PLXNC1: variants seen among roughly 807,000 people sequenced by gnomAD.
PLXNC1 encodes plexin-C1.
In PLXNC1, 75 loss-of-function variants were observed where a neutral mutation model predicts 178.2. That is an observed-to-expected ratio of 0.42 (90% CI 0.35 to 0.51). The LOEUF is 0.51. PLXNC1 is among the 20% of genes least tolerant of loss of function. The pLI is 0.02. For synonymous variants in PLXNC1, 790 were observed against 779.9 expected (o/e 1.01, Z -0.22); for missense variants, 1,503 against 1,984.4 (o/e 0.76, Z 4.61).
chr12:94,198,683 A>T (rs998934712), intron 4 of PLXNC1, among the ~76,000 whole-genome samples: 1 of 152,126 alleles, frequency 6.6e-6, no homozygotes, highest in Non-Finnish European at 1.5e-5. Flanking sequence ...CTATAGGGGC[A>T]AATCCTTCCT....
At chr12:94,254,212 G>A (rs892185699) in intron 15 of PLXNC1, among the ~76,000 whole-genome samples, 2 of 152,216 alleles carry the variant, frequency 1.3e-5, no homozygotes, top group African/African-American at 4.8e-5. Context: ...ATGAACCCAA[G>A]CACCAAACTG....
intron 4 of PLXNC1, among the ~76,000 whole-genome samples, chr12:94,199,077 G>T (rs759849486): frequency 5.3e-5 from 8 of 152,216 alleles, no homozygotes; most frequent in Non-Finnish European, 1.0e-4. Context: ...GGGAGCGCTA[G>T]TTGGAGGCAG....
chr12:94,306,668 T>TA lies in PLXNC1; in HGVS notation c.*1384dup, dbSNP rs1235124899. 1 of 152,174 alleles carries TA rather than the reference T, an allele frequency of 6.6e-6. No homozygotes were observed. Among genetic ancestry groups the TA allele is most frequent in the Non-Finnish European group, 1.5e-5 (1 of 68,044 alleles). 9.4% of individuals were successfully genotyped at this position (152,174 alleles called of 1,614,324 possible). On this transcript the variant is annotated 3_prime_UTR_variant, in exon 31 of 31. Coordinates refer to ENST00000258526, the MANE Select transcript of PLXNC1 (RefSeq NM_005761.3). ...TTCAAGTCAAATAACATTGATCACA[T>TA]ATTCCTTGAAATCATTTACCAACAC... is the stretch of plus-strand genomic sequence containing the variant.
At chr12:94,266,213 T>C (rs532239299) in intron 21 of PLXNC1, among the ~76,000 whole-genome samples, 2 of 152,182 alleles carry the variant, frequency 1.3e-5, no homozygotes, top group Non-Finnish European at 2.9e-5. Context: ...TGGAGCGTGT[T>C]ATGGTTATGT....
chr12:94,161,822 G>A (rs1027037835), intron 1 of PLXNC1, among the ~76,000 whole-genome samples: 1 of 152,194 alleles, frequency 6.6e-6, no homozygotes, highest in Non-Finnish European at 1.5e-5. Flanking sequence ...CCAAGGCCCA[G>A]TATTTACAAG....
intron 29 of PLXNC1, 38 bp downstream of exon 29, chr12:94,303,934 A>G: frequency 6.2e-7 from 1 of 1,605,822 alleles, no homozygotes; most frequent in Non-Finnish European, 8.5e-7. Context: ...ATATTTGGTT[A>G]CTTTACGTCA....
intron 23 of PLXNC1, among the ~76,000 whole-genome samples, chr12:94,290,308 G>T (rs1294926210): frequency 6.6e-6 from 1 of 152,210 alleles, no homozygotes; most frequent in Non-Finnish European, 1.5e-5. Context: ...TATTGCTAAG[G>T]GGGTGCCTGC....
intron 11 of PLXNC1, among the ~76,000 whole-genome samples, chr12:94,241,052 T>C (rs1297041146): frequency 6.6e-6 from 1 of 152,186 alleles, no homozygotes; most frequent in South Asian, 2.1e-4. Context: ...GGGGGAAATA[T>C]TGGGAGCTAT....
Position 94,182,859 on chromosome 12 carries a change from GTATCTATC to G in PLXNC1, c.1338+1320_1338+1327del, listed in dbSNP as rs59933010. On this transcript the variant is annotated intron_variant, in intron 3 of 30. Transcript: ENST00000258526. Reference sequence around the variant, plus strand: ...TTAAATAACTTGTTCAAGAATATCTGTATCTATCTATCTATCTATCTATCTATCTATCT... The same window carrying G: ...TTAAATAACTTGTTCAAGAATATCTGTATCTATCTATCTATCTATCTATCT... 5.3e-3 allele frequency among the ~76,000 whole-genome samples: 764 copies of G among 144,034 alleles called. 4 individuals are homozygous for G. Among genetic ancestry groups the G allele is most frequent in the African/African-American group, 0.016 (612 of 37,602 alleles). The allele number at this position is 144,034 out of a possible 152,430, so 94.5% of individuals were successfully genotyped here.
intron 21 of PLXNC1, among the ~76,000 whole-genome samples, chr12:94,266,426 T>C (rs555146675): frequency 6.6e-5 from 10 of 152,314 alleles, no homozygotes; most frequent in South Asian, 2.1e-4. Context: ...GTGGGCTGCA[T>C]TGGTTCTCAA....
At chr12:94,226,527 C>T (rs1448662727) in intron 7 of PLXNC1, 78 bp from the exon 8 acceptor site, 2 of 920,056 alleles carry the variant, frequency 2.2e-6, no homozygotes, top group African/African-American at 1.7e-5. Context: ...TGCTTGCATG[C>T]CACATCACAG....
chr12:94,285,781 TCTGGGTGGC>T (rs1007337993), intron 23 of PLXNC1, among the ~76,000 whole-genome samples: 6 of 152,118 alleles, frequency 3.9e-5, no homozygotes, highest in African/African-American at 1.4e-4. Flanking sequence ...TCTCCCTGTG[TCTGGGTGGC>T]AGGCTTGTCT....
chr12:94,221,507 G>C (rs1963795767), intron 6 of PLXNC1, among the ~76,000 whole-genome samples: 1 of 152,330 alleles, frequency 6.6e-6, no homozygotes, highest in South Asian at 2.1e-4. Flanking sequence ...AAGACTAGAA[G>C]TAGAGTTGAG....
At position 94,161,019 on chromosome 12, in the gene PLXNC1, C is replaced by T. The variant is rs190008219; in HGVS notation, c.1063-8134C>T. Among the ~76,000 whole-genome samples, 276 of 152,274 alleles carry T rather than the reference C, an allele frequency of 1.8e-3. 1 individual carries two copies. The highest frequency in any genetic ancestry group is 6.1e-3 in the African/African-American group (254 of 41,558). ...GACAAAGTCACAGGTTCAGTAAATA[C>T]TGCTGTGGCCTGAATCCATGATTAA... On this transcript the variant is annotated intron_variant, in intron 1 of 30. Coordinates refer to ENST00000258526, the MANE Select transcript of PLXNC1 (RefSeq NM_005761.3).
rs779990678 is a variant in PLXNC1 at position 94,241,977 on chromosome 12, T to TAAAA, written c.2300+1322_2300+1325dup. On this transcript the variant is annotated intron_variant, in intron 11 of 30. Transcript: ENST00000258526. ...TAAACCTACAGACAAAAAGCTTTGT[T>TAAAA]AAAAAAAAAAAAGAAGAAGAAGAAG... 1.6e-4 allele frequency among the ~76,000 whole-genome samples: 22 copies of TAAAA among 141,862 alleles called. 1 individual carries two copies. The highest frequency in any genetic ancestry group is 4.9e-4 in the African/African-American group (19 of 38,808). The allele number at this position is 141,862 out of a possible 152,430, so 93.1% of individuals were successfully genotyped here. A position where few individuals can be genotyped will look rare whatever the true frequency, so the allele number is the denominator to read the frequency against.
At position 94,279,133 on chromosome 12, in the gene PLXNC1, A is replaced by AC. The variant is rs576518620; in HGVS notation, c.3598-336dup. Among the ~76,000 whole-genome samples, 38 of 152,208 alleles carry AC rather than the reference A, an allele frequency of 2.5e-4. No individual in the cohort carries two copies. The South Asian group carries it at 7.9e-3, about 32-fold the overall frequency. On this transcript the variant is annotated intron_variant, in intron 21 of 30. Transcript: ENST00000258526. ...ACCAGTCTGCCTCATCTACTGTGGA[A>AC]CCCTTCCAATTCTTTTTTTTCTTTT...
At chr12:94,239,107 T>C (rs1445980177) in intron 10 of PLXNC1, among the ~76,000 whole-genome samples, 1 of 152,198 alleles carries the variant, frequency 6.6e-6, no homozygotes, top group Non-Finnish European at 1.5e-5. Context: ...GAATGTGTCT[T>C]GAGATACTGC....
chr12:94,157,883 T>C (rs1486077667), intron 1 of PLXNC1, among the ~76,000 whole-genome samples: 1 of 152,234 alleles, frequency 6.6e-6, no homozygotes, highest in Non-Finnish European at 1.5e-5. Context: ...AGGGCTGTGT[T>C]CCATTAAAAT....
intron 2 of PLXNC1, among the ~76,000 whole-genome samples, chr12:94,179,646 C>G (rs1201757286): frequency 6.8e-6 from 1 of 146,302 alleles, no homozygotes; most frequent in Non-Finnish European, 1.5e-5. Flanking sequence ...GAGGCTGAGG[C>G]AAGAGAATGG....
Sources: allele counts gnomAD v4.1 joint callset (sites outside exome capture counted in the v4.1 genomes callset), GRCh38; gene constraint gnomAD v4.1.1; transcripts MANE v1.5; gene names NCBI Gene and HGNC (gene_info 2026-07-23, HGNC 2026-07-21).